CPA6: variants seen among roughly 807,000 people sequenced by gnomAD.
The protein encoded by CPA6 is carboxypeptidase A6.
Under a neutral mutation model 63.3 loss-of-function variants are expected in CPA6, and 58 were observed. The ratio of observed to expected loss-of-function variants is 0.92; its 90% CI spans 0.74 to 1.14. The LOEUF (loss-of-function observed/expected upper bound fraction) is 1.14, where lower values mean the gene tolerates loss of function less well. Among genes scored for constraint, CPA6 ranks in the 50% most tolerant of loss-of-function variants. CPA6 has a pLI of 0.00. For synonymous variants in CPA6, 185 were observed against 179.0 expected (o/e 1.03, Z -0.27); for missense variants, 565 against 526.6 (o/e 1.07, Z -0.71).
intron 2 of CPA6, chr8:67,569,443 T>G (rs889691448): frequency 1.4e-5 from 3 of 217,302 alleles, no homozygotes; most frequent in African/African-American, 2.3e-5. Context: ...AGAAACTGTC[T>G]CTGCTACGGA....
chr8:67,652,720 C>T (rs1406288699), intron 1 of CPA6, among the ~76,000 whole-genome samples: 2 of 151,620 alleles, frequency 1.3e-5, no homozygotes, highest in Admixed American at 6.6e-5. Flanking sequence ...GTTTCTTTTC[C>T]TGTGCAGAAG....
intron 2 of CPA6, among the ~76,000 whole-genome samples, chr8:67,532,816 G>A (rs1812506494): frequency 1.3e-5 from 2 of 152,090 alleles, no homozygotes; most frequent in Admixed American, 1.3e-4. Context: ...TGCCAAATGG[G>A]TATCACAAAA....
chr8:67,543,667 G>A (rs1368232726), intron 2 of CPA6, among the ~76,000 whole-genome samples: 1 of 152,046 alleles, frequency 6.6e-6, no homozygotes, highest in Non-Finnish European at 1.5e-5. Context: ...ACCATTTTCA[G>A]TATACAATTC....
intron 1 of CPA6, among the ~76,000 whole-genome samples, chr8:67,684,171 A>G (rs932947805): frequency 6.6e-6 from 1 of 151,410 alleles, no homozygotes; most frequent in Non-Finnish European, 1.5e-5. Flanking sequence ...TAAAGGCAGG[A>G]GCCACTGTGC....
At position 67,665,716 on chromosome 8, in the gene CPA6, G is replaced by A. The variant is rs562235069; in HGVS notation, c.117-41465C>T. On this transcript the variant is annotated intron_variant, in intron 1 of 10. Transcript: ENST00000297770. ...GGGACAGCAATGATTTGTTTGCTAT[G>A]GCAATGATTCTCAAACATGCAGGCA... Among the ~76,000 whole-genome samples the A allele has an allele frequency of 3.9e-5, 6 of 152,260 alleles. No homozygotes were observed. In the South Asian group the frequency reaches 1.2e-3, roughly 32 times the overall value.
At chr8:67,553,756 G>C (rs973145067) in intron 2 of CPA6, among the ~76,000 whole-genome samples, 4 of 152,032 alleles carry the variant, frequency 2.6e-5, no homozygotes, top group Non-Finnish European at 5.9e-5. Flanking sequence ...TATCAAATGA[G>C]AACTACTAAA....
chr8:67,466,008 G>A (rs1810916526), intron 8 of CPA6, among the ~76,000 whole-genome samples: 1 of 151,588 alleles, frequency 6.6e-6, no homozygotes, highest in Non-Finnish European at 1.5e-5. Context: ...TTAATTTTTT[G>A]GAATAGTTTC....
chr8:67,631,103 C>G (rs10100583), intron 1 of CPA6, among the ~76,000 whole-genome samples: 47,411 of 152,188 alleles, frequency 0.31, 8,263 homozygotes, highest in African/African-American at 0.48. Flanking sequence ...AGGAGTGCGG[C>G]TGCATGGTGC....
chr8:67,475,434 C>T (rs1257665108), intron 8 of CPA6, among the ~76,000 whole-genome samples: 1 of 152,174 alleles, frequency 6.6e-6, no homozygotes, highest in African/African-American at 2.4e-5. Flanking sequence ...CTAAAATGAT[C>T]AAGAAAACAA....
At chr8:67,567,199 T>C (rs566479051) in intron 2 of CPA6, among the ~76,000 whole-genome samples, 15 of 152,290 alleles carry the variant, frequency 9.8e-5, no homozygotes, top group South Asian at 2.1e-4. Context: ...GACAAACCTG[T>C]GCAACTCCTC....
rs1814671688 is a variant in CPA6, at chr8:67,607,177, CTTCTTCTTCTTCT to C, written c.192+16986_192+16998del. The stretch of plus-strand genomic sequence containing the variant: ...TCCTCTTCTTCTTCTTCCTCTTCTT[CTTCTTCTTCTTCT>C]TCTTCTTCTTCTTCTTCTTCTTCTT... On this transcript the variant is annotated intron_variant, in intron 2 of 10. Transcript: ENST00000297770. Among the ~76,000 whole-genome samples the C allele has an allele frequency of 1.1e-3, 14 of 12,796 alleles. 2 individuals are homozygous for C. Among genetic ancestry groups the C allele is most frequent in the East Asian group, 4.7e-3 (2 of 424 alleles). 8.4% of individuals were successfully genotyped at this position (12,796 alleles called of 152,430 possible).
chr8:67,485,308 T>G (rs1475781182), intron 6 of CPA6, among the ~76,000 whole-genome samples: 1 of 152,138 alleles, frequency 6.6e-6, no homozygotes, highest in Non-Finnish European at 1.5e-5. Context: ...TATGATATTA[T>G]GAACAAAAAC....
At chr8:67,713,996 A>G (rs747362803) in intron 1 of CPA6, among the ~76,000 whole-genome samples, 3 of 152,018 alleles carry the variant, frequency 2.0e-5, no homozygotes, top group Non-Finnish European at 4.4e-5. Flanking sequence ...TTTTACGTAA[A>G]CTCCAAATTA....
At chr8:67,582,664 A>C (rs891453693) in intron 2 of CPA6, among the ~76,000 whole-genome samples, 1 of 152,204 alleles carries the variant, frequency 6.6e-6, no homozygotes, top group African/African-American at 2.4e-5. Flanking sequence ...TGAATGACTA[A>C]TAATTTTTGT....
At chr8:67,438,693 T>C (rs925224262) in intron 8 of CPA6, among the ~76,000 whole-genome samples, 5 of 152,064 alleles carry the variant, frequency 3.3e-5, no homozygotes, top group Non-Finnish European at 7.4e-5. Context: ...GCTATCTAAA[T>C]AAGCAATATC....
rs184149928 is a variant in CPA6, at chr8:67,677,403, A to C, written c.117-53152T>G. On this transcript the variant is annotated intron_variant, in intron 1 of 10. Coordinates refer to ENST00000297770, the MANE Select transcript of CPA6 (RefSeq NM_020361.5). ...AGGGGAAGATATTGTTCTGGGATCC[A>C]GAATTGGAAGTTGACTTCATTTTTC... Among the ~76,000 whole-genome samples, 12 of 147,942 alleles carry C rather than the reference A, an allele frequency of 8.1e-5. No homozygotes were observed. In the East Asian group the frequency reaches 2.4e-3, roughly 29 times the overall value.
chr8:67,635,724 GC>G (rs1815454175), intron 1 of CPA6, among the ~76,000 whole-genome samples: 1 of 151,652 alleles, frequency 6.6e-6, no homozygotes, highest in Admixed American at 6.6e-5. Context: ...CCAAGATCAT[GC>G]CACTGCACTC....
chr8:67,541,402 T>C (rs1282588380), intron 2 of CPA6, among the ~76,000 whole-genome samples: 1 of 152,102 alleles, frequency 6.6e-6, no homozygotes, highest in Admixed American at 6.5e-5. Flanking sequence ...CTGGGCCTGG[T>C]AGTTAAAGAT....
chr8:67,604,430 T>G (rs1181363833), intron 2 of CPA6, among the ~76,000 whole-genome samples: 1 of 152,208 alleles, frequency 6.6e-6, no homozygotes, highest in Non-Finnish European at 1.5e-5. Context: ...TTTAATGATG[T>G]CTTCTTCCCT....
Sources: gnomAD v4.1 joint callset for allele counts (sites outside exome capture counted in the v4.1 genomes callset) on GRCh38, gnomAD v4.1.1 for gene constraint, MANE v1.5 for transcripts, NCBI Gene and HGNC (gene_info 2026-07-23, HGNC 2026-07-21) for gene names.